HCFC2: variants seen among roughly 807,000 people sequenced by gnomAD.
The protein encoded by HCFC2 is host cell factor C2.
A neutral mutation model predicts 89.2 loss-of-function variants in HCFC2; 18 were observed. The observed-to-expected ratio is 0.20, with a 90% CI of 0.14 to 0.30. The LOEUF (loss-of-function observed/expected upper bound fraction) is 0.30, where lower values mean the gene tolerates loss of function less well. Among genes scored for constraint, HCFC2 ranks in the 10% least tolerant of loss-of-function variants. HCFC2 has a pLI of 1.00. For synonymous variants in HCFC2, 308 were observed against 335.7 expected (o/e 0.92, Z 0.90); for missense variants, 578 against 956.1 (o/e 0.60, Z 5.21).
chr12:104,080,282 C>T (rs74699844), intron 4 of HCFC2, among the ~76,000 whole-genome samples: 2 of 152,282 alleles, frequency 1.3e-5, no homozygotes, highest in East Asian at 3.9e-4. Flanking sequence ...TCCCCTAATA[C>T]CAAAATCCAT....
At position 104,100,518 on chromosome 12, in the gene HCFC2, G is replaced by T. The variant is rs147606929; in HGVS notation, c.1879-1450G>T. ...TGAGCCAGGAGGTCAAGGCTGCAGT[G>T]AGCCATGTTCAGGCCACTGCACTCC... On this transcript the variant is annotated intron_variant, in intron 13 of 14. Transcript: ENST00000229330. 5.4e-4 allele frequency among the ~76,000 whole-genome samples: 82 copies of T among 152,102 alleles called. 1 individual carries two copies. The East Asian group carries it at 0.016, about 29-fold the overall frequency.
At position 104,067,938 on chromosome 12, in the gene HCFC2, T is replaced by G; in HGVS notation, c.313-9T>G. 1 of 1,573,858 alleles carries G rather than the reference T, an allele frequency of 6.4e-7. No homozygotes were observed. Among genetic ancestry groups the G allele is most frequent in the Middle Eastern group, 1.7e-4 (1 of 5,838 alleles). On this transcript the variant is annotated splice_polypyrimidine_tract_variant and intron_variant, in intron 2 of 14. Coordinates refer to ENST00000229330, the MANE Select transcript of HCFC2 (RefSeq NM_013320.3). ...TGTCTGACTGTATTTGTGCCCTTTT[T>G]TTTTTTAGGCAAGTCGTTGGTTATG...
rs550907917 is a variant in HCFC2 at position 104,095,042 on chromosome 12, G to A, written c.1463-318G>A. Among the ~76,000 whole-genome samples the A allele has an allele frequency of 1.6e-4, 25 of 152,248 alleles. No individual in the cohort carries two copies. The highest frequency in any genetic ancestry group is 2.4e-4 in the Non-Finnish European group (16 of 68,000). ...AAGGCAGAAAATTGAGATAATTCATGCTTAATGACCTCTAATATTTTTTTC... is the reference window on the plus strand; with the variant it reads ...AAGGCAGAAAATTGAGATAATTCATACTTAATGACCTCTAATATTTTTTTC... On this transcript the variant is annotated intron_variant, in intron 10 of 14. Transcript: ENST00000229330. This position sits in a 1 kb window ranked among gnomAD's most constrained non-coding sequence, Gnocchi z 4.2.
chr12:104,099,655 G>T (rs1884282813), intron 13 of HCFC2, among the ~76,000 whole-genome samples: 1 of 151,944 alleles, frequency 6.6e-6, no homozygotes, highest in African/African-American at 2.4e-5. Context: ...CTGAGGTGGA[G>T]AGTTTTTTGT....
At position 104,078,711 on chromosome 12, in the gene HCFC2, G is replaced by A. The variant is rs1036391405; in HGVS notation, c.474-734G>A. Among the ~76,000 whole-genome samples the A allele has an allele frequency of 8.5e-5, 13 of 152,168 alleles. 3 individuals are homozygous for A. The highest frequency in any genetic ancestry group is 6.5e-5 in the Admixed American group (1 of 15,288). ...GTTATCTAGTGCCATACAGTAAACT[G>A]CCCCAAAATTTAATGATGCAGAATA... On this transcript the variant is annotated intron_variant, in intron 3 of 14. Transcript: ENST00000229330.
chr12:104,089,811 C>T (rs1883973413), intron 9 of HCFC2, among the ~76,000 whole-genome samples: 1 of 152,092 alleles, frequency 6.6e-6, no homozygotes, highest in Non-Finnish European at 1.5e-5. Context: ...GCATTAACGG[C>T]CTCACTTTTT....
chr12:104,071,381 G>C (rs182807081), intron 3 of HCFC2, among the ~76,000 whole-genome samples: 6 of 152,308 alleles, frequency 3.9e-5, no homozygotes, highest in African/African-American at 1.2e-4. Flanking sequence ...ACTTCAGAGG[G>C]CCAGTAGGTG....
At chr12:104,099,633 C>T (rs1456140437) in intron 13 of HCFC2, among the ~76,000 whole-genome samples, 2 of 150,962 alleles carry the variant, frequency 1.3e-5, no homozygotes, top group Non-Finnish European at 3.0e-5. Flanking sequence ...AAAAAAAAAA[C>T]TTATACAATC....
rs1882984392 is a variant in HCFC2, at chr12:104,064,555, G to C, written c.-6G>C. ...CATTGTGGGCAGAGGGGCGGGGGTT[G>C]GGAAGATGGCGGCTCCCAGCCTCCT... On this transcript the variant is annotated 5_prime_UTR_variant, in exon 1 of 15. Coordinates refer to ENST00000229330, the MANE Select transcript of HCFC2 (RefSeq NM_013320.3). The surrounding 1 kb of genome is among the most constrained non-coding windows in gnomAD (Gnocchi z 7.3). 1 of 1,509,558 alleles carries C rather than the reference G, an allele frequency of 6.6e-7. No homozygotes were observed. Among genetic ancestry groups the C allele is most frequent in the Non-Finnish European group, 8.9e-7 (1 of 1,129,012 alleles). 93.5% of individuals were successfully genotyped at this position (1,509,558 alleles called of 1,614,324 possible).
At chr12:104,082,023 A>G (rs1883702247) in intron 5 of HCFC2, among the ~76,000 whole-genome samples, 2 of 152,070 alleles carry the variant, frequency 1.3e-5, no homozygotes, top group South Asian at 4.1e-4. Context: ...AGCAGCCATC[A>G]GGCTTGTCTT....
intron 3 of HCFC2, among the ~76,000 whole-genome samples, chr12:104,074,593 TTTAA>T (rs951485975): frequency 2.0e-5 from 3 of 152,342 alleles, no homozygotes; most frequent in East Asian, 3.9e-4. Context: ...TGTGAATTAT[TTTAA>T]TTAATTAATT....
chr12:104,069,078 G>T lies in HCFC2; in HGVS notation c.473+971G>T, dbSNP rs144154809. On this transcript the variant is annotated intron_variant, in intron 3 of 14. Coordinates refer to ENST00000229330, the MANE Select transcript of HCFC2 (RefSeq NM_013320.3). Reference sequence around the variant, plus strand: ...CCCAGCACTTTGGGAAGCCGAGGTGGGTGGATCGCTTGAGCCCAGCAGTTC... The same window carrying T: ...CCCAGCACTTTGGGAAGCCGAGGTGTGTGGATCGCTTGAGCCCAGCAGTTC... Among the ~76,000 whole-genome samples, 19 of 152,178 alleles carry T rather than the reference G, an allele frequency of 1.2e-4. 1 individual carries two copies. Among genetic ancestry groups the T allele is most frequent in the African/African-American group, 4.6e-4 (19 of 41,500 alleles).
At chr12:104,076,832 A>C (rs1883508647) in intron 3 of HCFC2, among the ~76,000 whole-genome samples, 2 of 152,044 alleles carry the variant, frequency 1.3e-5, no homozygotes, top group African/African-American at 4.8e-5. Flanking sequence ...TTTGTCTTAT[A>C]ATAGGGCAGT....
At chr12:104,096,219 A>T (rs1469862866) in intron 11 of HCFC2, 141 bp from the exon 12 acceptor site, 2 of 490,834 alleles carry the variant, frequency 4.1e-6, no homozygotes, top group Middle Eastern at 1.1e-3. Flanking sequence ...TTATTGTGAT[A>T]AAATACATGT....
chr12:104,068,005 C>A lies in HCFC2; in HGVS notation c.371C>A (p.Pro124His). 6.2e-7 allele frequency: 1 copy of A among 1,609,148 alleles called. No homozygotes were observed. Among genetic ancestry groups the A allele is most frequent in the Non-Finnish European group, 8.5e-7 (1 of 1,178,152 alleles). ...KPHPPPSGLP[P>H]CPRLGHSFSL... Reference sequence around the variant, plus strand: ...CATCCCCCTCCTTCTGGTTTACCTCCTTGTCCTCGGCTTGGACATAGCTTC... The same window carrying A: ...CATCCCCCTCCTTCTGGTTTACCTCATTGTCCTCGGCTTGGACATAGCTTC... The change falls in exon 3 of 15, where the codon CCT becomes CAT. Residue 124 changes from proline (P) to histidine (H), a missense_variant. By Grantham distance (77) the Pro-to-His change is moderately conservative (BLOSUM62 -2). Transcript: ENST00000229330. The surrounding 1 kb of genome is among the most constrained non-coding windows in gnomAD (Gnocchi z 4.1).
intron 9 of HCFC2, among the ~76,000 whole-genome samples, chr12:104,091,104 T>C (rs2136620866): frequency 6.6e-6 from 1 of 152,330 alleles, no homozygotes; most frequent in Middle Eastern, 3.4e-3. Flanking sequence ...TTTCATTTAA[T>C]TCCTATTTTC....
chr12:104,067,318 C>T (rs1883181361), intron 2 of HCFC2, among the ~76,000 whole-genome samples: 1 of 152,184 alleles, frequency 6.6e-6, no homozygotes, highest in Admixed American at 6.5e-5. Flanking sequence ...AGAGGAGTAA[C>T]AGTTTCCCAT....
intron 10 of HCFC2, among the ~76,000 whole-genome samples, chr12:104,094,404 G>A (rs189615026): frequency 3.9e-5 from 6 of 152,162 alleles, no homozygotes; most frequent in Admixed American, 2.6e-4. Context: ...TGTAAAGGGC[G>A]ACAAGAAGAA....
At chr12:104,070,528 G>T (rs2136594882) in intron 3 of HCFC2, among the ~76,000 whole-genome samples, 1 of 152,248 alleles carries the variant, frequency 6.6e-6, no homozygotes. Context: ...TGTGAAATGG[G>T]AGTGATTAAA....
Sources: allele counts gnomAD v4.1 joint callset (sites outside exome capture counted in the v4.1 genomes callset), GRCh38; gene constraint gnomAD v4.1.1; non-coding constraint Gnocchi (gnomAD v3.1); transcripts MANE v1.5; gene names NCBI Gene and HGNC (gene_info 2026-07-23, HGNC 2026-07-21).